RHBDD1: variants seen among roughly 807,000 people sequenced by gnomAD.
RHBDD1 encodes the protein rhomboid domain containing 1.
A neutral mutation model predicts 36.3 loss-of-function variants in RHBDD1; 38 were observed. That is an observed-to-expected ratio of 1.05 (90% CI 0.81 to 1.37). RHBDD1 has a LOEUF of 1.37. Ranked by LOEUF, RHBDD1 falls within the 40% of genes most tolerant of loss-of-function variation. The pLI is 0.00. For synonymous variants in RHBDD1, 151 were observed against 136.5 expected, an observed-to-expected ratio of 1.11 and a Z score of -0.74; for missense variants, 393 against 377.6, an observed-to-expected ratio of 1.04 and a Z score of -0.34.
intron 8 of RHBDD1, among the ~76,000 whole-genome samples, chr2:226,915,330 C>A (rs1559267207): frequency 6.6e-6 from 1 of 152,166 alleles, no homozygotes; most frequent in Non-Finnish European, 1.5e-5. Flanking sequence ...AAGTTAGGGT[C>A]ATGTTCTGCC....
At chr2:226,887,544 T>G (rs1946334148) in intron 5 of RHBDD1, among the ~76,000 whole-genome samples, 2 of 152,254 alleles carry the variant, frequency 1.3e-5, no homozygotes, top group Admixed American at 6.5e-5. Context: ...GGGTCACATT[T>G]CCTCCTCTTT....
At chr2:226,924,988 T>G (rs934552898) in intron 8 of RHBDD1, among the ~76,000 whole-genome samples, 6 of 152,250 alleles carry the variant, frequency 3.9e-5, no homozygotes, top group African/African-American at 1.4e-4. Context: ...TTGGTTCTTA[T>G]GAAGGTGATT....
chr2:226,887,057 G>A (rs1946282114), intron 5 of RHBDD1, among the ~76,000 whole-genome samples: 1 of 152,102 alleles, frequency 6.6e-6, no homozygotes. Context: ...ACTTAAAACA[G>A]TAGATTTGAA....
At chr2:226,919,243 T>G (rs1949136020) in intron 8 of RHBDD1, among the ~76,000 whole-genome samples, 1 of 152,086 alleles carries the variant, frequency 6.6e-6, no homozygotes, top group African/African-American at 2.4e-5. Context: ...AGATGGATAG[T>G]TTGCACATAT....
intron 8 of RHBDD1, among the ~76,000 whole-genome samples, chr2:226,933,469 C>T (rs545890803): frequency 1.3e-5 from 2 of 152,174 alleles, no homozygotes; most frequent in Admixed American, 1.3e-4. Context: ...CATAGCCCTC[C>T]GGGGATTCTG....
At chr2:226,922,370 G>T (rs372873201) in intron 8 of RHBDD1, among the ~76,000 whole-genome samples, 3 of 151,748 alleles carry the variant, frequency 2.0e-5, no homozygotes, top group East Asian at 1.9e-4. Flanking sequence ...GCCACGCCCG[G>T]CTAATTTTTT....
chr2:226,924,306 C>G (rs940470363), intron 8 of RHBDD1, among the ~76,000 whole-genome samples: 4 of 152,190 alleles, frequency 2.6e-5, no homozygotes, highest in African/African-American at 9.6e-5. Flanking sequence ...GAAATGATGT[C>G]TGGTAACTAG....
intron 5 of RHBDD1, among the ~76,000 whole-genome samples, chr2:226,899,512 G>T (rs143460236): frequency 0.016 from 2,395 of 152,300 alleles, 25 homozygotes; most frequent in Non-Finnish European, 0.026. Flanking sequence ...AATTGTAAAA[G>T]CACATGAGAC....
At chr2:226,978,328 A>G (rs373908352) in intron 8 of RHBDD1, among the ~76,000 whole-genome samples, 160 of 152,174 alleles carry the variant, frequency 1.1e-3, no homozygotes, top group African/African-American at 3.7e-3. Context: ...AAAAATCTCT[A>G]ATTTTTTGCC....
At chr2:226,802,468 A>G in the RHBDD1 span, among the ~76,000 whole-genome samples, 1 of 152,238 alleles carries the variant, frequency 6.6e-6, no homozygotes, top group African/African-American at 2.4e-5. Context: ...TAATGGGCTA[A>G]CTGGAAATTC....
At chr2:226,814,729 G>A in the RHBDD1 span, among the ~76,000 whole-genome samples, 1 of 152,106 alleles carries the variant, frequency 6.6e-6, no homozygotes, top group Non-Finnish European at 1.5e-5. Flanking sequence ...AAGATAACTG[G>A]GATTTTAATC....
chr2:226,904,620 C>A (rs911024651), intron 5 of RHBDD1, among the ~76,000 whole-genome samples: 2 of 152,166 alleles, frequency 1.3e-5, no homozygotes, highest in Non-Finnish European at 2.9e-5. Flanking sequence ...CTAATGGGAA[C>A]AAGCATCAAT....
rs1959523367 is a variant in RHBDD1 at position 226,996,950 on chromosome 2, A to C, written c.*1428A>C. 6.6e-6 allele frequency: 1 copy of C among 152,230 alleles called. No homozygotes were observed. Among genetic ancestry groups the C allele is most frequent in the African/African-American group, 2.4e-5 (1 of 41,468 alleles). The allele number at this position is 152,230 out of a possible 1,614,324, so 9.4% of individuals were successfully genotyped here. On this transcript the variant is annotated 3_prime_UTR_variant, in exon 9 of 9. Transcript: ENST00000392062. The stretch of plus-strand genomic sequence containing the variant: ...TAAAGTCACCTGTAGCCCTACCCTT[A>C]GAGGTACCCAGGGTTAACATTTTGG...
the RHBDD1 span, among the ~76,000 whole-genome samples, chr2:226,828,580 C>G: frequency 6.6e-6 from 1 of 152,228 alleles, no homozygotes; most frequent in South Asian, 2.1e-4. Context: ...TGCCCTAATT[C>G]CATCTTTTTT....
rs1202494479 is a variant in RHBDD1 at position 226,997,923 on chromosome 2, A to C, written c.*2401A>C. The C allele has an allele frequency of 6.6e-6, 1 of 152,258 alleles. No individual in the cohort carries two copies. 9.4% of individuals were successfully genotyped at this position (152,258 alleles called of 1,614,324 possible). Reference sequence around the variant, plus strand: ...TCCATTTTATTTTATTTTCCTCTACAATAAGGAATCCCTAAAGTTATGCCA... The same window carrying C: ...TCCATTTTATTTTATTTTCCTCTACCATAAGGAATCCCTAAAGTTATGCCA... On this transcript the variant is annotated 3_prime_UTR_variant, in exon 9 of 9. Transcript: ENST00000392062.
In RHBDD1 at chr2:226,967,157, C is replaced by T. The variant is rs572992404; in HGVS notation, c.857-28274C>T. Among the ~76,000 whole-genome samples, 23 of 152,138 alleles carry T rather than the reference C, an allele frequency of 1.5e-4. No individual in the cohort carries two copies. In the East Asian group the frequency reaches 2.1e-3, roughly 14 times the overall value. ...GACCAACTCTTTGTGAAGTGGCCCC[C>T]GTTCCCAAGAGTAAATTGCATAAAT... On this transcript the variant is annotated intron_variant, in intron 8 of 8. Coordinates refer to ENST00000392062, the MANE Select transcript of RHBDD1 (RefSeq NM_001167608.3).
chr2:226,837,565 CTCTT>C (rs1381597982), intron 1 of RHBDD1: 2 of 152,244 alleles, frequency 1.3e-5, no homozygotes, highest in African/African-American at 4.8e-5. Flanking sequence ...TGGAGACAGT[CTCTT>C]TCTGCCACCC....
chr2:226,972,942 A>AC lies in RHBDD1; in HGVS notation c.857-22489_857-22488insC, dbSNP rs566815574. 4.5e-3 allele frequency among the ~76,000 whole-genome samples: 687 copies of AC among 151,894 alleles called. 6 individuals carry two copies. Among genetic ancestry groups the AC allele is most frequent in the African/African-American group, 0.016 (653 of 41,424 alleles). On this transcript the variant is annotated intron_variant, in intron 8 of 8. Transcript: ENST00000392062. ...GGAAGCCTGTAGCAAAAAAAAAAAA[A>AC]AAACAAAAAACCATGCAGGTTCCCC...
At chr2:226,825,957 A>C in the RHBDD1 span, among the ~76,000 whole-genome samples, 1 of 152,362 alleles carries the variant, frequency 6.6e-6, no homozygotes, top group East Asian at 1.9e-4. Context: ...TGTGCCAGGC[A>C]CTTTGATAAA....
Sources: allele counts gnomAD v4.1 joint callset (sites outside exome capture counted in the v4.1 genomes callset), GRCh38; gene constraint gnomAD v4.1.1; transcripts MANE v1.5; gene names NCBI Gene and HGNC (gene_info 2026-07-23, HGNC 2026-07-21).